The following PCDHA8 variants were observed in gnomAD, a reference collection of about 807,000 sequenced individuals.
The protein encoded by PCDHA8 is protocadherin alpha 8.
Under a neutral mutation model 61.8 loss-of-function variants are expected in PCDHA8, and 53 were observed. The observed-to-expected ratio is 0.86, with a 90% CI of 0.69 to 1.08. The LOEUF is 1.08. Ranked by LOEUF, PCDHA8 falls within the 50% of genes least tolerant of loss-of-function variation. The pLI is 0.00. For synonymous variants in PCDHA8, 618 were observed against 556.6 expected, an observed-to-expected ratio of 1.11 and a Z score of -1.55; for missense variants, 1,293 against 1,245.0, an observed-to-expected ratio of 1.04 and a Z score of -0.58.
intron 3 of PCDHA8, among the ~76,000 whole-genome samples, chr5:141,007,451 C>A (rs2098330384): frequency 6.6e-6 from 1 of 151,640 alleles, no homozygotes; most frequent in Non-Finnish European, 1.5e-5. Context: ...GCCTGTAGTC[C>A]CAGCTACTCA....
intron 1 of PCDHA8, chr5:140,861,475 G>C: frequency 4.1e-6 from 2 of 492,480 alleles, no homozygotes; most frequent in South Asian, 1.6e-5. Flanking sequence ...CTGCAGAATG[G>C]CATTTTTGTG....
rs2150444436 is a variant in PCDHA8, at chr5:140,849,672, G to T, written c.2394+5957G>T. On this transcript the variant is annotated intron_variant, in intron 1 of 3. Coordinates refer to ENST00000531613, the MANE Select transcript of PCDHA8 (RefSeq NM_018911.3). The stretch of plus-strand genomic sequence containing the variant: ...GGTTACCTGCTCCCTGACGCCCCAC[G>T]TCCCCTTCAAGCTGGTGTCCACCTA... 151 of 1,598,650 alleles carry T rather than the reference G, an allele frequency of 9.4e-5. 5 individuals carry two copies. The South Asian group carries it at 1.5e-3, about 16-fold the overall frequency.
intron 1 of PCDHA8, among the ~76,000 whole-genome samples, chr5:140,881,772 C>A (rs1253242879): frequency 6.6e-6 from 1 of 152,200 alleles, no homozygotes; most frequent in Admixed American, 6.5e-5. Context: ...CATGACTATG[C>A]AGAACTACCG....
Position 141,011,490 on chromosome 5 carries a change from A to T in PCDHA8, c.*1553A>T, listed in dbSNP as rs2098420792. On this transcript the variant is annotated 3_prime_UTR_variant, in exon 4 of 4. Transcript: ENST00000531613. ...GTAATTCCATTATATTTCCTTTTGT[A>T]CACCTGTGAAAAAGTGGAGTAGTGT... The T allele has an allele frequency of 1.3e-5, 2 of 153,734 alleles. No homozygotes were observed. The highest frequency in any genetic ancestry group is 2.9e-5 in the Non-Finnish European group (2 of 68,036). 9.5% of individuals were successfully genotyped at this position (153,734 alleles called of 1,614,324 possible). A position where few individuals can be genotyped will look rare whatever the true frequency, so the allele number is the denominator to read the frequency against.
intron 1 of PCDHA8, chr5:140,882,641 G>A (rs1464189390): frequency 6.2e-7 from 1 of 1,614,104 alleles, no homozygotes; most frequent in Non-Finnish European, 8.5e-7. Context: ...GAAGGTGAGG[G>A]ACATTAACGA....
intron 1 of PCDHA8, among the ~76,000 whole-genome samples, chr5:140,917,324 C>CGGGGGGCG (rs1299895515): frequency 1.3e-5 from 1 of 76,124 alleles, no homozygotes; most frequent in Non-Finnish European, 2.9e-5. Context: ...GTTCATGTGG[C>CGGGGGGCG]GGGGGAGGGG....
intron 1 of PCDHA8, among the ~76,000 whole-genome samples, chr5:140,942,781 A>G (rs1554215214): frequency 6.6e-6 from 1 of 152,214 alleles, no homozygotes; most frequent in Admixed American, 6.5e-5. Context: ...TTTAGGCAGA[A>G]TATTACAAAG....
At chr5:140,969,522 T>C in intron 1 of PCDHA8, 5 of 1,397,290 alleles carry the variant, frequency 3.6e-6, no homozygotes, top group Non-Finnish European at 4.7e-6. Context: ...AAGAATTGTT[T>C]TATTTTTCAT....
At chr5:140,958,344 T>A (rs1247122967) in intron 1 of PCDHA8, among the ~76,000 whole-genome samples, 2 of 152,128 alleles carry the variant, frequency 1.3e-5, no homozygotes, top group African/African-American at 4.8e-5. Context: ...CACAGGAAGT[T>A]CACAGTCTGA....
At chr5:140,995,546 C>T (rs2097688546) in intron 3 of PCDHA8, among the ~76,000 whole-genome samples, 1 of 152,184 alleles carries the variant, frequency 6.6e-6, no homozygotes, top group African/African-American at 2.4e-5. Context: ...AAGGGGCGAT[C>T]ACTGTACTGA....
Position 140,845,288 on chromosome 5 carries a change from C to T in PCDHA8, c.2394+1573C>T, listed in dbSNP as rs1304336704. ...CTTTGTGAAAGTAATATTTCCTATC[C>T]TGTCTATGTCTACCTGGTTCTCAGG... On this transcript the variant is annotated intron_variant, in intron 1 of 3. Coordinates refer to ENST00000531613, the MANE Select transcript of PCDHA8 (RefSeq NM_018911.3). Among the ~76,000 whole-genome samples the T allele has an allele frequency of 3.4e-5, 5 of 149,098 alleles. 1 individual carries two copies. Among genetic ancestry groups the T allele is most frequent in the African/African-American group, 9.8e-5 (4 of 40,716 alleles).
At chr5:140,950,083 T>C (rs1361884165) in intron 1 of PCDHA8, among the ~76,000 whole-genome samples, 1 of 152,002 alleles carries the variant, frequency 6.6e-6, no homozygotes, top group Non-Finnish European at 1.5e-5. Context: ...GCTTATGCTA[T>C]AGTTTTCATT....
intron 1 of PCDHA8, chr5:140,869,708 G>C: frequency 9.3e-6 from 15 of 1,613,408 alleles, no homozygotes; most frequent in Non-Finnish European, 1.3e-5. Flanking sequence ...TCTCTGGATA[G>C]AGAGAAAACT....
chr5:140,883,676 C>T lies in PCDHA8; in HGVS notation c.2394+39961C>T, dbSNP rs986680593. 6.2e-6 allele frequency: 10 copies of T among 1,613,792 alleles called. No homozygotes were observed. In the Admixed American group the frequency reaches 1.0e-4, roughly 16 times the overall value. On this transcript the variant is annotated intron_variant, in intron 1 of 3. Transcript: ENST00000531613. Reference sequence around the variant, plus strand: ...GGTGTTCGTGAAGGAAAACAATCCGCCGGGCTGCCACATCTTCACGGTGTC... The same window carrying T: ...GGTGTTCGTGAAGGAAAACAATCCGTCGGGCTGCCACATCTTCACGGTGTC...
At chr5:140,951,507 C>A (rs2094591964) in intron 1 of PCDHA8, among the ~76,000 whole-genome samples, 1 of 151,952 alleles carries the variant, frequency 6.6e-6, no homozygotes, top group African/African-American at 2.4e-5. Flanking sequence ...AAAAGGAAAG[C>A]GGCTCATCTT....
intron 3 of PCDHA8, among the ~76,000 whole-genome samples, chr5:140,995,181 T>G (rs1443897354): frequency 6.6e-6 from 1 of 152,186 alleles, no homozygotes; most frequent in Non-Finnish European, 1.5e-5. Context: ...GGTGCACCTA[T>G]GATAAAGTTT....
rs1355633400 is a variant in PCDHA8 at position 140,846,435 on chromosome 5, C to G, written c.2394+2720C>G. ...TATCTCCCAGGCTGGAATGCAGTGG[C>G]GCAATCTCGGCTCACTGCAACCTCT... On this transcript the variant is annotated intron_variant, in intron 1 of 3. Transcript: ENST00000531613. Among the ~76,000 whole-genome samples, 18 of 133,632 alleles carry G rather than the reference C, an allele frequency of 1.3e-4. 1 individual carries two copies. Among genetic ancestry groups the G allele is most frequent in the African/African-American group, 4.0e-4 (14 of 35,360 alleles). 87.7% of individuals were successfully genotyped at this position (133,632 alleles called of 152,430 possible).
rs2150361317 is a variant in PCDHA8, at chr5:140,843,502, C to A, written c.2181C>A (p.Pro727=). The A allele has an allele frequency of 3.1e-6, 5 of 1,595,926 alleles. 1 individual carries two copies. The highest frequency in any genetic ancestry group is 4.3e-6 in the Non-Finnish European group (5 of 1,165,570). Residue 727 remains proline (P), a synonymous_variant, in exon 1 of 4, where the codon CCC becomes CCA. Transcript: ENST00000531613. ...CTGCGCTGCGGTGCTCAGCACTGCC[C>A]ACTGAGGGCGGGTGCCGGGCGGGCA... ...LYTALRCSAL[P]TEGGCRAGKP...
chr5:140,930,466 T>C (rs2086864823), intron 1 of PCDHA8: 1 of 152,352 alleles, frequency 6.6e-6, no homozygotes. Context: ...CAAGTGATCC[T>C]CCCACCTAGG....
Sources: gnomAD v4.1 joint callset for allele counts (sites outside exome capture counted in the v4.1 genomes callset) on GRCh38, gnomAD v4.1.1 for gene constraint, MANE v1.5 for transcripts, NCBI Gene and HGNC (gene_info 2026-07-23, HGNC 2026-07-21) for gene names.